NUP214: variants seen among roughly 807,000 people sequenced by gnomAD.
NUP214 encodes the protein nucleoporin 214, also known as nuclear pore complex protein Nup214.
A neutral mutation model predicts 196.2 loss-of-function variants in NUP214; 79 were observed. The observed-to-expected ratio is 0.40, with a 90% CI of 0.34 to 0.49. The LOEUF (loss-of-function observed/expected upper bound fraction) is 0.49, where lower values mean the gene tolerates loss of function less well. Among genes scored for constraint, NUP214 ranks in the 20% least tolerant of loss-of-function variants. The probability of loss-of-function intolerance (pLI) is 0.58; values close to 1 mark genes in which losing one functional copy is unlikely to be tolerated. For missense variants in NUP214, 2,468 were observed against 2,539.0 expected (o/e 0.97, Z 0.60); for synonymous variants, 1,020 against 990.5 (o/e 1.03, Z -0.56).
chr9:131,198,321 C>G lies in NUP214; in HGVS notation c.4827C>G (p.Val1609=), dbSNP rs771442442. 1.1e-5 allele frequency: 17 copies of G among 1,614,086 alleles called. No individual in the cohort carries two copies. In the Admixed American group the frequency reaches 1.3e-4, roughly 13 times the overall value. Residue 1609 remains valine (V), a synonymous_variant, in exon 29 of 36, where the codon GTC becomes GTG. Transcript: ENST00000359428. ...AAISSAGPVA[V]ETSSTPIASS... is the part of the protein sequence containing the mutation. Reference sequence around the variant, plus strand: ...TCTCAAGTGCAGGCCCTGTGGCCGTCGAAACATCAAGTACCCCCATAGCCT... The same window carrying G: ...TCTCAAGTGCAGGCCCTGTGGCCGTGGAAACATCAAGTACCCCCATAGCCT...
intron 17 of NUP214, among the ~76,000 whole-genome samples, chr9:131,155,810 G>A (rs1041991122): frequency 6.6e-6 from 1 of 152,008 alleles, no homozygotes; most frequent in Non-Finnish European, 1.5e-5. Context: ...CTTTATTTCT[G>A]GGTTCTCTAT....
Position 131,159,389 on chromosome 9 carries a change from C to T in NUP214, c.2443C>T (p.Arg815Trp), listed in dbSNP as rs1021262444. 10 of 1,611,654 alleles carry T rather than the reference C, an allele frequency of 6.2e-6. No homozygotes were observed. Among genetic ancestry groups the T allele is most frequent in the South Asian group, 1.1e-5 (1 of 90,432 alleles). Reference protein sequence around the residue: ...PKSEAQLQEIRRLHQYVKFAV... With the variant: ...PKSEAQLQEIWRLHQYVKFAV... Reference sequence around the variant, plus strand: ...TTTAATTTTTTTCTTATAGGAAATTCGGCGCCTTCATCAGTATGTGAAATT... The same window carrying T: ...TTTAATTTTTTTCTTATAGGAAATTTGGCGCCTTCATCAGTATGTGAAATT... The change falls in exon 18 of 36, where the codon CGG becomes TGG. Residue 815 changes from arginine (R) to tryptophan (W), a missense_variant. Coordinates refer to ENST00000359428, the MANE Select transcript of NUP214 (RefSeq NM_005085.4).
At chr9:131,137,846 C>T (rs564092420) in intron 9 of NUP214, among the ~76,000 whole-genome samples, 4 of 152,248 alleles carry the variant, frequency 2.6e-5, no homozygotes, top group East Asian at 3.9e-4. Flanking sequence ...CCACAGCTCC[C>T]GGTCTGGTGA....
intron 8 of NUP214, among the ~76,000 whole-genome samples, chr9:131,135,524 A>G (rs1309972081): frequency 7.9e-5 from 12 of 152,236 alleles, no homozygotes; most frequent in Admixed American, 7.8e-4. Context: ...AATTTTCTCA[A>G]TAACCCCTAG....
At chr9:131,150,202 G>A (rs1316542348) in intron 14 of NUP214, 122 bp from the exon 15 acceptor site, 5 of 784,226 alleles carry the variant, frequency 6.4e-6, no homozygotes, top group Admixed American at 4.5e-5. Flanking sequence ...ATAAGGATTC[G>A]TTACAATGAG....
chr9:131,192,533 T>C, intron 27 of NUP214: 1 of 316,826 alleles, frequency 3.2e-6, no homozygotes, highest in Non-Finnish European at 5.7e-6. Flanking sequence ...TTTTTTAGCC[T>C]AAGCCTCATT....
At chr9:131,147,625 T>G in intron 14 of NUP214, 41 bp downstream of exon 14, 1 of 1,384,678 alleles carries the variant, frequency 7.2e-7, no homozygotes, top group Non-Finnish European at 1.0e-6. Context: ...GTTTATTAAT[T>G]TACTGCCCCA....
chr9:131,187,025 G>A (rs1833466841), intron 24 of NUP214: 1 of 424,330 alleles, frequency 2.4e-6, no homozygotes, highest in South Asian at 2.8e-5. Flanking sequence ...ATCTAGTTCT[G>A]AATGGTTACT....
intron 10 of NUP214, 145 bp from the exon 11 acceptor site, chr9:131,140,404 C>A: frequency 1.6e-6 from 1 of 639,242 alleles, no homozygotes; most frequent in Non-Finnish European, 2.6e-6. Flanking sequence ...AAAGGCTGTT[C>A]AGATATAAAA....
chr9:131,200,382 C>T (rs1833906941), intron 29 of NUP214, among the ~76,000 whole-genome samples: 1 of 152,196 alleles, frequency 6.6e-6, no homozygotes, highest in Admixed American at 6.5e-5. Context: ...TTGAGACCAG[C>T]CTGGCCAACA....
chr9:131,140,742 G>A, intron 11 of NUP214, 32 bp downstream of exon 11: 3 of 1,592,668 alleles, frequency 1.9e-6, no homozygotes, highest in Non-Finnish European at 2.6e-6. Flanking sequence ...ATCAGTAAGG[G>A]AATACCATGG....
chr9:131,182,264 A>AG (rs1187047486), intron 24 of NUP214, among the ~76,000 whole-genome samples: 3 of 152,242 alleles, frequency 2.0e-5, no homozygotes, highest in African/African-American at 7.2e-5. Flanking sequence ...CTTATAGATT[A>AG]GGGGTCCCCA....
chr9:131,213,751 C>CTGTTGTTGTTT (rs147112479), intron 30 of NUP214, among the ~76,000 whole-genome samples: 28 of 147,646 alleles, frequency 1.9e-4, no homozygotes, highest in African/African-American at 7.1e-4. Flanking sequence ...TGAATTGGTA[C>CTGTTGTTGTTT]TGTTGTTGTT....
At chr9:131,207,855 G>A (rs1043237323) in intron 30 of NUP214, among the ~76,000 whole-genome samples, 16 of 152,202 alleles carry the variant, frequency 1.1e-4, no homozygotes, top group African/African-American at 3.6e-4. Context: ...GTTTGAGCAG[G>A]TAGTAGAGAG....
Position 131,146,155 on chromosome 9 carries a change from C to T in NUP214, c.1796C>T (p.Pro599Leu). 1 of 1,614,184 alleles carries T rather than the reference C, an allele frequency of 6.2e-7. No individual in the cohort carries two copies. Among genetic ancestry groups the T allele is most frequent in the East Asian group, 2.2e-5 (1 of 44,886 alleles). ...EKFTAAATST[P>L]VSSSQSAPPM... ...TTTACTGCTGCAGCTACCTCTACTCCTGTTAGTAGCTCCCAGAGCGCACCC... is the reference window on the plus strand; with the variant it reads ...TTTACTGCTGCAGCTACCTCTACTCTTGTTAGTAGCTCCCAGAGCGCACCC... The change falls in exon 13 of 36, where the codon CCT (proline) becomes CTT (leucine). Residue 599 changes from proline (P) to leucine (L), a missense_variant. Physicochemically the swap from Pro to Leu is moderately conservative, Grantham distance 98. This residue lies in a region of NUP214 where 1,801 missense variants were observed against 1,779.4 expected (regional missense o/e 1.01). Transcript: ENST00000359428. This position sits in a 1 kb window ranked among gnomAD's most constrained non-coding sequence, Gnocchi z 4.6.
Position 131,192,204 on chromosome 9 carries a change from TC to T in NUP214, c.3575-3del. 1.0e-6 allele frequency: 1 copy of T among 962,352 alleles called. No individual in the cohort carries two copies. The highest frequency in any genetic ancestry group is 1.6e-6 in the Non-Finnish European group (1 of 641,732). 59.6% of individuals were successfully genotyped at this position (962,352 alleles called of 1,614,324 possible). A position where few individuals can be genotyped will look rare whatever the true frequency, so the allele number is the denominator to read the frequency against. Reference sequence around the variant, plus strand: ...TTTTTTTTTTTTTTTTTCCATAATTTCAGGGACAGCCAAGATAGAAACAGCT... The same window carrying T: ...TTTTTTTTTTTTTTTTTCCATAATTTAGGGACAGCCAAGATAGAAACAGCT... On this transcript the variant is annotated splice_polypyrimidine_tract_variant and splice_region_variant and intron_variant, in intron 26 of 35. Transcript: ENST00000359428.
Position 131,233,869 on chromosome 9 carries a change from C to G in NUP214, c.*382C>G. The G allele has an allele frequency of 5.3e-6, 2 of 378,284 alleles. No individual in the cohort carries two copies. The highest frequency in any genetic ancestry group is 1.0e-5 in the Non-Finnish European group (2 of 200,084). The allele number at this position is 378,284 out of a possible 1,614,324, so 23.4% of individuals were successfully genotyped here. ...TAAACAGCATCGAATGTGCCGTGGT[C>G]TCACTTGGACCTAGCGCCCTCCACA... On this transcript the variant is annotated 3_prime_UTR_variant, in exon 36 of 36. Transcript: ENST00000359428.
rs200469529 is a variant in NUP214 at position 131,127,511 on chromosome 9, T to C, written c.46-13T>C. 1 of 1,588,570 alleles carries C rather than the reference T, an allele frequency of 6.3e-7. No individual in the cohort carries two copies. Among genetic ancestry groups the C allele is most frequent in the South Asian group, 1.1e-5 (1 of 87,334 alleles). On this transcript the variant is annotated splice_polypyrimidine_tract_variant and intron_variant, in intron 1 of 35. Coordinates refer to ENST00000359428, the MANE Select transcript of NUP214 (RefSeq NM_005085.4). ...CTTTATTGAATTGATCTCGTTTTGA[T>C]TCTTCACAACAGGATTTTCAGTTTA...
chr9:131,233,452 A>C lies in NUP214; in HGVS notation c.6240-2A>C. ...CCACCACTGTCCTGTGCTTCCTTGC[A>C]GGTCTGTCCAGGGTTTTGGTGGCTG... On this transcript the variant is annotated splice_acceptor_variant, in intron 35 of 35. Transcript: ENST00000359428. LOFTEE classifies it high-confidence loss of function. The C allele has an allele frequency of 6.2e-7, 1 of 1,610,620 alleles. No individual in the cohort carries two copies. Among genetic ancestry groups the C allele is most frequent in the African/African-American group, 1.3e-5 (1 of 74,938 alleles).
Sources: gnomAD v4.1 joint callset for allele counts (sites outside exome capture counted in the v4.1 genomes callset) on GRCh38, gnomAD v4.1.1 for gene constraint, gnomAD v4.1.1 regional missense constraint, Gnocchi (gnomAD v3.1) non-coding constraint, MANE v1.5 for transcripts, NCBI Gene and HGNC (gene_info 2026-07-23, HGNC 2026-07-21) for gene names.